The following GALNT13 variants were observed in gnomAD, a reference collection of about 807,000 sequenced individuals.
The protein encoded by GALNT13 is UDP-GalNAc:polypeptide N-acetylgalactosaminyltransferase 13.
Under a neutral mutation model 64.2 loss-of-function variants are expected in GALNT13, and 28 were observed. That is an observed-to-expected ratio of 0.44 (90% confidence interval 0.32 to 0.60). The LOEUF is 0.60. Among genes scored for constraint, GALNT13 ranks in the 20% least tolerant of loss-of-function variants. GALNT13 has a pLI of 0.05. For synonymous variants in GALNT13, 214 were observed against 224.6 expected, an observed-to-expected ratio of 0.95 and a Z score of 0.42; for missense variants, 577 against 669.8, an observed-to-expected ratio of 0.86 and a Z score of 1.53.
At chr2:153,365,346 G>T in the GALNT13 span, among the ~76,000 whole-genome samples, 1 of 151,990 alleles carries the variant, frequency 6.6e-6, no homozygotes, top group Non-Finnish European at 1.5e-5. Context: ...GACTTCATGA[G>T]TAAAACACCA....
the GALNT13 span, among the ~76,000 whole-genome samples, chr2:153,085,235 G>A: frequency 2.6e-5 from 4 of 152,180 alleles, no homozygotes; most frequent in Admixed American, 6.5e-5. Context: ...TGGAAAATTT[G>A]CAGCCTGACA....
At chr2:154,248,743 T>C (rs1383865684) in intron 7 of GALNT13, among the ~76,000 whole-genome samples, 1 of 152,196 alleles carries the variant, frequency 6.6e-6, no homozygotes, top group African/African-American at 2.4e-5. Context: ...ACTGCCCATG[T>C]AGAAATGGCA....
chr2:153,912,074 A>G (rs905783347), intron 2 of GALNT13, among the ~76,000 whole-genome samples: 2 of 152,036 alleles, frequency 1.3e-5, no homozygotes, highest in African/African-American at 4.8e-5. Context: ...ATATAATCCC[A>G]TATTTCTCTG....
At chr2:154,131,864 A>G (rs571054781) in intron 3 of GALNT13, among the ~76,000 whole-genome samples, 24 of 152,216 alleles carry the variant, frequency 1.6e-4, no homozygotes, top group African/African-American at 3.6e-4. Context: ...TGCAGCCTTC[A>G]GTCTGTGGCC....
the GALNT13 span, among the ~76,000 whole-genome samples, chr2:153,539,257 A>G: frequency 6.6e-6 from 1 of 151,696 alleles, no homozygotes; most frequent in Non-Finnish European, 1.5e-5. Context: ...TTTTCTTGTA[A>G]ATTTGTTTGA....
the GALNT13 span, among the ~76,000 whole-genome samples, chr2:153,764,205 G>C: frequency 6.6e-6 from 1 of 152,006 alleles, no homozygotes; most frequent in African/African-American, 2.4e-5. Context: ...ATGATTTAGG[G>C]TATCTGGTGG....
chr2:153,237,533 A>G, the GALNT13 span, among the ~76,000 whole-genome samples: 1 of 152,014 alleles, frequency 6.6e-6, no homozygotes, highest in East Asian at 1.9e-4. Context: ...TATGAGTTCG[A>G]TTATTTTAAA....
chr2:153,967,302 T>C (rs971465484), intron 3 of GALNT13, among the ~76,000 whole-genome samples: 3 of 152,172 alleles, frequency 2.0e-5, no homozygotes, highest in African/African-American at 2.4e-5. Context: ...TTTGTTGATA[T>C]CTGGGCATTG....
intron 8 of GALNT13, among the ~76,000 whole-genome samples, chr2:154,267,538 G>A (rs372411457): frequency 2.6e-5 from 4 of 152,230 alleles, no homozygotes; most frequent in South Asian, 4.1e-4. Context: ...TACTTGGGAG[G>A]CTGAGGCAGG....
the GALNT13 span, among the ~76,000 whole-genome samples, chr2:153,398,013 C>T: frequency 6.6e-6 from 1 of 151,878 alleles, no homozygotes; most frequent in African/African-American, 2.4e-5. Context: ...TGCTGGTGTG[C>T]TGCACCCACT....
At chr2:154,388,784 G>A (rs966503371) in intron 9 of GALNT13, among the ~76,000 whole-genome samples, 1 of 151,994 alleles carries the variant, frequency 6.6e-6, no homozygotes, top group Non-Finnish European at 1.5e-5. Flanking sequence ...ACAAAATAAA[G>A]TCCACTTTCT....
the GALNT13 span, among the ~76,000 whole-genome samples, chr2:153,149,626 A>G: frequency 6.6e-6 from 1 of 151,690 alleles, no homozygotes; most frequent in Non-Finnish European, 1.5e-5. Context: ...TTCAACACTC[A>G]TTTTTTTGCA....
chr2:153,575,414 G>A, the GALNT13 span, among the ~76,000 whole-genome samples: 1 of 152,180 alleles, frequency 6.6e-6, no homozygotes, highest in Non-Finnish European at 1.5e-5. Flanking sequence ...TCTACAATGA[G>A]AATGTGTCAC....
At chr2:153,435,795 T>G in the GALNT13 span, among the ~76,000 whole-genome samples, 4 of 152,082 alleles carry the variant, frequency 2.6e-5, no homozygotes, top group Non-Finnish European at 4.4e-5. Context: ...TGACTTCCTC[T>G]TTTCCTAATT....
At chr2:153,648,475 T>G in the GALNT13 span, among the ~76,000 whole-genome samples, 1 of 152,170 alleles carries the variant, frequency 6.6e-6, no homozygotes, top group Non-Finnish European at 1.5e-5. Flanking sequence ...CCTGCCTGAT[T>G]GCCCTGGTCA....
the GALNT13 span, among the ~76,000 whole-genome samples, chr2:153,180,449 G>A: frequency 6.6e-6 from 1 of 151,988 alleles, no homozygotes; most frequent in Admixed American, 6.6e-5. Context: ...GAGTACATTT[G>A]CATATATGTT....
the GALNT13 span, among the ~76,000 whole-genome samples, chr2:153,116,030 T>A: frequency 2.0e-5 from 3 of 152,162 alleles, no homozygotes; most frequent in African/African-American, 7.2e-5. Context: ...AACATTGATG[T>A]ATGGTTAAAT....
the GALNT13 span, among the ~76,000 whole-genome samples, chr2:153,836,823 C>T: frequency 6.6e-6 from 1 of 152,090 alleles, no homozygotes; most frequent in Admixed American, 6.6e-5. Context: ...CATGTCCCTA[C>T]AAAGGACATG....
chr2:153,954,490 T>A (rs1249183946), intron 3 of GALNT13, among the ~76,000 whole-genome samples: 1 of 151,958 alleles, frequency 6.6e-6, no homozygotes, highest in South Asian at 2.1e-4. Flanking sequence ...CATACTCTTA[T>A]CCACAATTCA....
Sources: gnomAD v4.1 joint callset for allele counts (sites outside exome capture counted in the v4.1 genomes callset) on GRCh38, gnomAD v4.1.1 for gene constraint, MANE v1.5 for transcripts, NCBI Gene and HGNC (gene_info 2026-07-23, HGNC 2026-07-21) for gene names.